ADAM15: variants seen among roughly 807,000 people sequenced by gnomAD.
ADAM15 encodes disintegrin and metalloproteinase domain-containing protein 15.
Under a neutral mutation model 113.8 loss-of-function variants are expected in ADAM15, and 77 were observed. The ratio of observed to expected loss-of-function variants is 0.68; its 90% CI spans 0.56 to 0.82. ADAM15 has a LOEUF of 0.82. Ranked by LOEUF, ADAM15 falls within the 40% of genes least tolerant of loss-of-function variation. The pLI is 0.00. For missense variants in ADAM15, 963 were observed against 1,120.1 expected, an observed-to-expected ratio of 0.86 and a Z score of 2.00; for synonymous variants, 388 against 454.1, an observed-to-expected ratio of 0.85 and a Z score of 1.85.
Position 155,062,490 on chromosome 1 carries a change from G to C in ADAM15, c.2580G>C (p.Ser860=). ...RPAPPPPTVS[S]LYL Reference sequence around the variant, plus strand: ...CGCCACCGCCTCCGACAGTGTCCTCGCTCTACCTCTGACCTCTCCGGAGGT... The same window carrying C: ...CGCCACCGCCTCCGACAGTGTCCTCCCTCTACCTCTGACCTCTCCGGAGGT... The change falls in exon 23 of 23, where the codon TCG becomes TCC. Residue 860 remains serine, a synonymous_variant. Coordinates refer to ENST00000356955, the MANE Select transcript of ADAM15 (RefSeq NM_207197.3). This position sits in a 1 kb window ranked among gnomAD's most constrained non-coding sequence, Gnocchi z 7.0. 1 of 1,613,396 alleles carries C rather than the reference G, an allele frequency of 6.2e-7. No individual in the cohort carries two copies. The highest frequency in any genetic ancestry group is 8.5e-7 in the Non-Finnish European group (1 of 1,179,946).
Position 155,054,484 on chromosome 1 carries a change from T to G in ADAM15, c.590T>G (p.Leu197Arg). 1 of 1,584,744 alleles carries G rather than the reference T, an allele frequency of 6.3e-7. No individual in the cohort carries two copies. Among genetic ancestry groups the G allele is most frequent in the South Asian group, 1.1e-5 (1 of 88,132 alleles). ...ACTCAGAAGCCACCAGAGCACCCCCTGGGACAGCGCCACATTCGCCGGGTG... is the reference window on the plus strand; with the variant it reads ...ACTCAGAAGCCACCAGAGCACCCCCGGGGACAGCGCCACATTCGCCGGGTG... ...VHTQKPPEHPLGQRHIRRRRD... is the reference protein window; with the variant it reads ...VHTQKPPEHPRGQRHIRRRRD... Residue 197 changes from leucine (L) to arginine (R), a missense_variant, in exon 6 of 23, where the codon CTG becomes CGG. Physicochemically the swap from Leu to Arg is moderately radical, Grantham distance 102. Coordinates refer to ENST00000356955, the MANE Select transcript of ADAM15 (RefSeq NM_207197.3).
Position 155,059,885 on chromosome 1 carries a change from C to T in ADAM15, c.1996-17C>T, listed in dbSNP as rs758606166. ...CCAGAGTGCAGAGCTCCTCATTGCT[C>T]GCCTTGTACCTCCTAGGTCTGTGAC... On this transcript the variant is annotated splice_polypyrimidine_tract_variant and intron_variant, in intron 16 of 22. Transcript: ENST00000356955. 89 of 1,612,800 alleles carry T rather than the reference C, an allele frequency of 5.5e-5. No individual in the cohort carries two copies. Among genetic ancestry groups the T allele is most frequent in the Non-Finnish European group, 7.1e-5 (84 of 1,179,294 alleles).
Position 155,058,383 on chromosome 1 carries a change from G to A in ADAM15, c.1859G>A (p.Gly620Asp), listed in dbSNP as rs1423478820. 3.7e-6 allele frequency: 6 copies of A among 1,613,672 alleles called. No homozygotes were observed. The African/African-American group carries it at 5.3e-5, about 14-fold the overall frequency. ...LNCSWVHLDL[G>D]SDVAQPLLTL... ...TGCAGCTGGGTGCACCTGGACCTGG[G>A]CAGTGATGTGGCCCAGCCCCTCCTG... Residue 620 changes from glycine to aspartate, a missense_variant, in exon 15 of 23, where the codon GGC becomes GAC. Physicochemically the swap from Gly to Asp is moderately conservative, Grantham distance 94. Transcript: ENST00000356955. The surrounding 1 kb of genome is among the most constrained non-coding windows in gnomAD (Gnocchi z 4.3).
rs1008971123 is a variant in ADAM15 at position 155,053,407 on chromosome 1, G to T, written c.187-10G>T. ...GTCTAGGGAGGTGACCTGCCCTCTG[G>T]TGCCCACAGACCAGTCTGCCTGAGC... On this transcript the variant is annotated splice_polypyrimidine_tract_variant and intron_variant, in intron 2 of 22. Transcript: ENST00000356955. 25 of 1,613,752 alleles carry T rather than the reference G, an allele frequency of 1.5e-5. No homozygotes were observed. In the African/African-American group the frequency reaches 3.3e-4, roughly 22 times the overall value.
chr1:155,053,118 C>CA (rs937021709), intron 2 of ADAM15, among the ~76,000 whole-genome samples: 5 of 137,490 alleles, frequency 3.6e-5, no homozygotes, highest in South Asian at 2.8e-4. Context: ...CCCCCCCCCC[C>CA]CCACCCCATT....
At chr1:155,061,739 C>T (rs1164837319) in intron 20 of ADAM15, 165 bp from the exon 21 acceptor site, 1 of 873,448 alleles carries the variant, frequency 1.1e-6, no homozygotes, top group East Asian at 2.6e-5. Flanking sequence ...ACCTTCCTCC[C>T]CTGAGACATC....
At position 155,058,208 on chromosome 1, in the gene ADAM15, C is replaced by A. The variant is rs766779216; in HGVS notation, c.1722-38C>A. 6.2e-7 allele frequency: 1 copy of A among 1,613,368 alleles called. No individual in the cohort carries two copies. The highest frequency in any genetic ancestry group is 1.1e-5 in the South Asian group (1 of 91,014). ...TGGGTTTCTGAGAGCCTTGGCCCTGCTCCTACTAACTCTGTGTGCCCTTCC... is the reference window on the plus strand; with the variant it reads ...TGGGTTTCTGAGAGCCTTGGCCCTGATCCTACTAACTCTGTGTGCCCTTCC... On this transcript the variant is annotated intron_variant, in intron 14 of 22. Transcript: ENST00000356955. This position sits in a 1 kb window ranked among gnomAD's most constrained non-coding sequence, Gnocchi z 4.3.
At chr1:155,052,808 C>T (rs775348283) in intron 2 of ADAM15, 31 bp downstream of exon 2, 32 of 1,580,362 alleles carry the variant, frequency 2.0e-5, no homozygotes, top group Admixed American at 9.2e-5. Context: ...AATAAATAAA[C>T]GAATCCACAC....
chr1:155,052,304 G>GCTTA (rs1440514916), intron 1 of ADAM15: 2 of 599,862 alleles, frequency 3.3e-6, no homozygotes, highest in African/African-American at 1.9e-5. Flanking sequence ...CGGCCACAAG[G>GCTTA]CTTAGCTCAG....
rs1393758497 is a variant in ADAM15 at position 155,052,569 on chromosome 1, G to C, written c.80-102G>C. On this transcript the variant is annotated intron_variant, in intron 1 of 22. Transcript: ENST00000356955. The stretch of plus-strand genomic sequence containing the variant: ...TGTGGAAGCCCCTCAGGTACCTAAG[G>C]GTCTTGATGGGCTGGGAGCTGGTGG... 1.9e-6 allele frequency: 3 copies of C among 1,550,938 alleles called. No individual in the cohort carries two copies. The South Asian group carries it at 3.6e-5, about 18-fold the overall frequency.
chr1:155,061,654 T>C, intron 20 of ADAM15, 165 bp downstream of exon 20: 1 of 861,844 alleles, frequency 1.2e-6, no homozygotes, highest in East Asian at 2.7e-5. Context: ...AGGGTGAGCC[T>C]CCTGCCTTGG....
chr1:155,051,676 C>T, intron 1 of ADAM15: 1 of 460,368 alleles, frequency 2.2e-6, no homozygotes, highest in Non-Finnish European at 3.8e-6. Context: ...CCCCCTGCCT[C>T]CTGCCTGGTC....
In ADAM15 at chr1:155,056,359, C is replaced by T. The variant is rs1661763551; in HGVS notation, c.915-27C>T. ...GCTCTGACCACCGTGGCTTCTGGCC[C>T]TGAACTTTAGCCTCTCTGTCCCACA... On this transcript the variant is annotated intron_variant, in intron 9 of 22. Coordinates refer to ENST00000356955, the MANE Select transcript of ADAM15 (RefSeq NM_207197.3). This position sits in a 1 kb window ranked among gnomAD's most constrained non-coding sequence, Gnocchi z 4.0. 2 of 1,613,564 alleles carry T rather than the reference C, an allele frequency of 1.2e-6. No homozygotes were observed. The highest frequency in any genetic ancestry group is 1.7e-6 in the Non-Finnish European group (2 of 1,179,548).
At chr1:155,052,389 A>C in intron 1 of ADAM15, 1 of 1,056,490 alleles carries the variant, frequency 9.5e-7, no homozygotes, top group Non-Finnish European at 1.3e-6. Flanking sequence ...GTCCTGTGAG[A>C]ACCTGGGATT....
At position 155,060,883 on chromosome 1, in the gene ADAM15, G is replaced by T. The variant is rs770003907; in HGVS notation, c.2277+51G>T. 4 of 1,550,030 alleles carry T rather than the reference G, an allele frequency of 2.6e-6. No individual in the cohort carries two copies. The South Asian group carries it at 4.5e-5, about 17-fold the overall frequency. On this transcript the variant is annotated intron_variant, in intron 19 of 22. Transcript: ENST00000356955. Reference sequence around the variant, plus strand: ...GGACTCCACCTTGGCCGGGCATCCAGCTTGGGCCCTGGGGGGTGCGCATTA... The same window carrying T: ...GGACTCCACCTTGGCCGGGCATCCATCTTGGGCCCTGGGGGGTGCGCATTA...
At chr1:155,059,463 A>G (rs1662255753) in intron 16 of ADAM15, among the ~76,000 whole-genome samples, 1 of 152,112 alleles carries the variant, frequency 6.6e-6, no homozygotes, top group Non-Finnish European at 1.5e-5. Flanking sequence ...CATCTCTTTC[A>G]AGGAAAAATT....
rs773358856 is a variant in ADAM15 at position 155,059,994 on chromosome 1, CAG to C, written c.2068+21_2068+22del. ...TCAAAGGTAGCATGGGGGTGGGGGACAGGGGCAGCTGGGAGGGCAAAGCGTCT... is the reference window on the plus strand; with the variant it reads ...TCAAAGGTAGCATGGGGGTGGGGGACGGGCAGCTGGGAGGGCAAAGCGTCT... On this transcript the variant is annotated intron_variant, in intron 17 of 22. Coordinates refer to ENST00000356955, the MANE Select transcript of ADAM15 (RefSeq NM_207197.3). 3.7e-5 allele frequency: 59 copies of C among 1,613,372 alleles called. No homozygotes were observed. The highest frequency in any genetic ancestry group is 4.9e-5 in the Non-Finnish European group (58 of 1,179,608).
intron 19 of ADAM15, 139 bp from the exon 20 acceptor site, chr1:155,061,276 C>G (rs538025268): frequency 3.2e-6 from 2 of 626,598 alleles, no homozygotes; most frequent in Admixed American, 2.9e-5. Context: ...CACCTGCATG[C>G]ACCTGCATAA....
intron 6 of ADAM15, among the ~76,000 whole-genome samples, chr1:155,054,827 G>A (rs1478775758): frequency 6.6e-6 from 1 of 152,090 alleles, no homozygotes; most frequent in East Asian, 1.9e-4. Flanking sequence ...CCGAGATCGA[G>A]CCACTACACA....
Sources: allele counts gnomAD v4.1 joint callset (sites outside exome capture counted in the v4.1 genomes callset), GRCh38; gene constraint gnomAD v4.1.1; non-coding constraint Gnocchi (gnomAD v3.1); transcripts MANE v1.5; gene names NCBI Gene and HGNC (gene_info 2026-07-23, HGNC 2026-07-21).